ATRNL1: variants seen among roughly 807,000 people sequenced by gnomAD.
ATRNL1 encodes the protein attractin like 1.
A neutral mutation model predicts 182.7 loss-of-function variants in ATRNL1; 95 were observed. The observed-to-expected ratio is 0.52, with a 90% confidence interval of 0.44 to 0.62. The LOEUF (loss-of-function observed/expected upper bound fraction) is 0.62, where lower values mean the gene tolerates loss of function less well. Among genes scored for constraint, ATRNL1 ranks in the 20% least tolerant of loss-of-function variants. ATRNL1 has a pLI of 0.00. For missense variants in ATRNL1, 1,471 were observed against 1,679.5 expected (o/e 0.88, Z 2.17); for synonymous variants, 576 against 568.3 (o/e 1.01, Z -0.19).
chr10:115,637,810 A>C (rs976052274), intron 26 of ATRNL1, among the ~76,000 whole-genome samples: 7 of 151,704 alleles, frequency 4.6e-5, no homozygotes, highest in African/African-American at 1.7e-4. Flanking sequence ...TTGTTAGTAG[A>C]GACAGAGTTT....
chr10:115,858,270 A>G (rs1555102586), intron 28 of ATRNL1, among the ~76,000 whole-genome samples: 1 of 152,228 alleles, frequency 6.6e-6, no homozygotes, highest in Non-Finnish European at 1.5e-5. Context: ...TGTTCACAAT[A>G]GCAAAGACAA....
At chr10:115,463,848 C>T (rs1847929384) in intron 22 of ATRNL1, among the ~76,000 whole-genome samples, 1 of 151,928 alleles carries the variant, frequency 6.6e-6, no homozygotes, top group South Asian at 2.1e-4. Flanking sequence ...TTACCTTTAG[C>T]TTCTTGATTA....
intron 26 of ATRNL1, among the ~76,000 whole-genome samples, chr10:115,662,464 T>C (rs1860755443): frequency 1.3e-5 from 2 of 152,166 alleles, no homozygotes; most frequent in African/African-American, 4.8e-5. Flanking sequence ...TTACTGGTTA[T>C]ATACCCAAAA....
At chr10:115,881,143 T>C (rs982347344) in intron 28 of ATRNL1, among the ~76,000 whole-genome samples, 5 of 152,210 alleles carry the variant, frequency 3.3e-5, no homozygotes, top group African/African-American at 1.2e-4. Context: ...CTCAGGGCAT[T>C]GCCTAGCTAA....
rs781813291 is a variant in ATRNL1 at position 115,129,452 on chromosome 10, G to A, written c.746G>A (p.Cys249Tyr). 3.0e-5 allele frequency: 48 copies of A among 1,614,002 alleles called. No individual in the cohort carries two copies. The highest frequency in any genetic ancestry group is 4.0e-5 in the Non-Finnish European group (47 of 1,180,016). ...GGTGAAGCTTGTGATATTCCTTACT[G>A]TAAAGCCAATTGCGGCAGTCCAGAT... is the stretch of plus-strand genomic sequence containing the variant. ...WKGEACDIPY[C>Y]KANCGSPDHG... is the part of the protein sequence containing the mutation. Residue 249 changes from cysteine to tyrosine, a missense_variant, in exon 5 of 29, where the codon TGT becomes TAT. Cys to Tyr is a radical substitution (Grantham distance 194). Around this residue, in one of 3 missense-constraint regions of ATRNL1, gnomAD observed 1,031 missense variants for 1,156.0 expected, o/e 0.89. Transcript: ENST00000355044.
At chr10:115,263,661 GTTTATAC>G (rs1378168727) in intron 10 of ATRNL1, among the ~76,000 whole-genome samples, 2 of 151,686 alleles carry the variant, frequency 1.3e-5, no homozygotes, top group African/African-American at 2.4e-5. Context: ...AAAGTATACA[GTTTATAC>G]TTTATATAAT....
chr10:115,919,337 G>A (rs782390203), intron 28 of ATRNL1, among the ~76,000 whole-genome samples: 5 of 152,136 alleles, frequency 3.3e-5, no homozygotes, highest in Admixed American at 2.6e-4. Context: ...AGTAAGAAAC[G>A]GCGTGTTCAC....
At chr10:115,246,085 T>A (rs116108445) in intron 10 of ATRNL1, among the ~76,000 whole-genome samples, 1,789 of 152,296 alleles carry the variant, frequency 0.012, 34 homozygotes, top group African/African-American at 0.04. Context: ...GAGGAAAGGA[T>A]GAACTAACAT....
intron 26 of ATRNL1, among the ~76,000 whole-genome samples, chr10:115,619,282 T>A (rs1472062836): frequency 2.6e-5 from 4 of 152,096 alleles, no homozygotes; most frequent in Non-Finnish European, 4.4e-5. Flanking sequence ...CCATGTGTGG[T>A]GAGCCATTCC....
At chr10:115,234,592 C>CTTTTTTT (rs554861467) in intron 9 of ATRNL1, among the ~76,000 whole-genome samples, 1 of 133,824 alleles carries the variant, frequency 7.5e-6, no homozygotes. Flanking sequence ...TTTTCTTTTT[C>CTTTTTTT]TTTTTTTTTT....
chr10:115,242,501 A>T (rs1850464658), intron 10 of ATRNL1, among the ~76,000 whole-genome samples: 1 of 151,946 alleles, frequency 6.6e-6, no homozygotes, highest in African/African-American at 2.4e-5. Context: ...ACTTAAGAGC[A>T]CCTTTTATTG....
intron 27 of ATRNL1, among the ~76,000 whole-genome samples, chr10:115,782,186 G>C (rs1402663585): frequency 1.3e-5 from 2 of 152,130 alleles, no homozygotes; most frequent in African/African-American, 4.8e-5. Flanking sequence ...AGATGTTCTT[G>C]AACCAGTAAA....
At chr10:115,475,250 A>C (rs530549202) in intron 24 of ATRNL1, among the ~76,000 whole-genome samples, 72 of 151,600 alleles carry the variant, frequency 4.7e-4, no homozygotes, top group Admixed American at 7.3e-4. Flanking sequence ...ATTAGTTAAT[A>C]TCATAGTGAA....
intron 26 of ATRNL1, among the ~76,000 whole-genome samples, chr10:115,649,314 C>T (rs1346988192): frequency 6.6e-6 from 1 of 151,984 alleles, no homozygotes; most frequent in Non-Finnish European, 1.5e-5. Context: ...ATAATAAGGC[C>T]TCTGAAGGTC....
chr10:115,869,760 G>A lies in ATRNL1; in HGVS notation c.4018+21769G>A, dbSNP rs551589753. Among the ~76,000 whole-genome samples, 245 of 151,798 alleles carry A rather than the reference G, an allele frequency of 1.6e-3. 10 individuals are homozygous for A. The South Asian group carries it at 0.049, about 30-fold the overall frequency. ...TTATTCAGGACTTTAGACATATTTG[G>A]ATTTCTTTTTACATAAGCGGCATCA... On this transcript the variant is annotated intron_variant, in intron 28 of 28. Transcript: ENST00000355044.
intron 28 of ATRNL1, among the ~76,000 whole-genome samples, chr10:115,877,322 G>T (rs1304515094): frequency 2.0e-5 from 3 of 152,294 alleles, no homozygotes; most frequent in Admixed American, 2.0e-4. Context: ...TAGAAACAAA[G>T]CTACCCATAT....
intron 8 of ATRNL1, among the ~76,000 whole-genome samples, chr10:115,197,674 A>ATAT (rs1848412592): frequency 6.6e-6 from 1 of 152,146 alleles, no homozygotes; most frequent in Non-Finnish European, 1.5e-5. Context: ...AAGCCAGTGC[A>ATAT]GTCGGCCTGG....
rs573606255 is a variant in ATRNL1, at chr10:115,694,808, C to G, written c.3796-32440C>G. ...TAGTCTAAATAAAAGATTCACTTTT[C>G]CTTGCTTTATTTTGGGAGGGTGGAG... On this transcript the variant is annotated intron_variant, in intron 26 of 28. Coordinates refer to ENST00000355044, the MANE Select transcript of ATRNL1 (RefSeq NM_207303.4). Among the ~76,000 whole-genome samples, 11 of 151,760 alleles carry G rather than the reference C, an allele frequency of 7.2e-5. No homozygotes were observed. In the South Asian group the frequency reaches 2.3e-3, roughly 32 times the overall value.
At chr10:115,155,260 G>A (rs1214701557) in intron 5 of ATRNL1, among the ~76,000 whole-genome samples, 1 of 151,284 alleles carries the variant, frequency 6.6e-6, no homozygotes, top group South Asian at 2.1e-4. Context: ...AATCCATTCA[G>A]TCAGTCTGTG....
Sources: gnomAD v4.1 joint callset for allele counts (sites outside exome capture counted in the v4.1 genomes callset) on GRCh38, gnomAD v4.1.1 for gene constraint, gnomAD v4.1.1 regional missense constraint, MANE v1.5 for transcripts, NCBI Gene and HGNC (gene_info 2026-07-23, HGNC 2026-07-21) for gene names.